KALRN: variants seen among roughly 807,000 people sequenced by gnomAD.
KALRN encodes kalirin.
A neutral mutation model predicts 353.7 loss-of-function variants in KALRN; 70 were observed. That is an observed-to-expected ratio of 0.20 (90% CI 0.16 to 0.24). The LOEUF (loss-of-function observed/expected upper bound fraction) is 0.24, where lower values mean the gene tolerates loss of function less well. Ranked by LOEUF, KALRN falls within the 10% of genes least tolerant of loss-of-function variation. The pLI, the probability that KALRN is intolerant of heterozygous loss-of-function variation, is 1.00. For missense variants in KALRN, 2,791 were observed against 3,756.7 expected (o/e 0.74, Z 6.72); for synonymous variants, 1,391 against 1,434.8 (o/e 0.97, Z 0.69).
chr3:124,466,915 C>G (rs1394746025), intron 25 of KALRN, among the ~76,000 whole-genome samples: 1 of 152,192 alleles, frequency 6.6e-6, no homozygotes, highest in East Asian at 1.9e-4. Flanking sequence ...ATATTTCTAC[C>G]CATTTCTCCC....
intron 1 of KALRN, among the ~76,000 whole-genome samples, chr3:124,186,082 C>T (rs1274619751): frequency 6.6e-6 from 1 of 152,130 alleles, no homozygotes; most frequent in African/African-American, 2.4e-5. Context: ...GCTTTTTTAC[C>T]ATGGTTTCTT....
intron 49 of KALRN, among the ~76,000 whole-genome samples, chr3:124,676,669 G>T (rs2087227641): frequency 6.6e-6 from 1 of 152,138 alleles, no homozygotes; most frequent in Admixed American, 6.5e-5. Context: ...CCCCCACAAG[G>T]ACACACACAT....
chr3:124,036,988 C>A (rs1454478473), intron 1 of KALRN, among the ~76,000 whole-genome samples: 1 of 152,192 alleles, frequency 6.6e-6, no homozygotes, highest in Non-Finnish European at 1.5e-5. Flanking sequence ...TCCAGATTGT[C>A]TTCTTGGGAA....
At chr3:124,530,926 C>T (rs551590589) in intron 33 of KALRN, among the ~76,000 whole-genome samples, 1 of 152,234 alleles carries the variant, frequency 6.6e-6, no homozygotes, top group African/African-American at 2.4e-5. Context: ...GCTATGGTAA[C>T]AACTCTAAAA....
At chr3:124,452,739 T>G (rs1167950453) in intron 21 of KALRN, among the ~76,000 whole-genome samples, 1 of 152,236 alleles carries the variant, frequency 6.6e-6, no homozygotes, top group Admixed American at 6.5e-5. Flanking sequence ...TAAACTCATT[T>G]TACTGTCTCT....
intron 43 of KALRN, 129 bp from the exon 44 acceptor site, chr3:124,660,794 C>A (rs333291): frequency 0.55 from 367,139 of 672,286 alleles, 102,391 homozygotes; most frequent in African/African-American, 0.74. Flanking sequence ...AGCTACTCTA[C>A]ACCATTGCCA....
At chr3:124,406,005 T>G (rs2091500764) in intron 13 of KALRN, among the ~76,000 whole-genome samples, 1 of 152,170 alleles carries the variant, frequency 6.6e-6, no homozygotes, top group South Asian at 2.1e-4. Flanking sequence ...GCCATAAAAA[T>G]AATCCAATTA....
In KALRN at chr3:124,650,689, G is replaced by A; in HGVS notation, c.5665-119G>A. The A allele has an allele frequency of 3.9e-6, 4 of 1,025,002 alleles. No individual in the cohort carries two copies. In the East Asian group the frequency reaches 7.3e-5, roughly 19 times the overall value. The allele number at this position is 1,025,002 out of a possible 1,614,324, so 63.5% of individuals were successfully genotyped here. On this transcript the variant is annotated intron_variant, in intron 37 of 59. Coordinates refer to ENST00000682506, the MANE Select transcript of KALRN (RefSeq NM_001388419.1). ...TCTGCTAGTGCTTCACTGTGGTTTGGTGAGAACAGCCTTGGCTACTGATTT... is the reference window on the plus strand; with the variant it reads ...TCTGCTAGTGCTTCACTGTGGTTTGATGAGAACAGCCTTGGCTACTGATTT...
intron 57 of KALRN, among the ~76,000 whole-genome samples, chr3:124,707,427 TTCCTTCCTTCCTTCCTTCCC>T (rs1299062158): frequency 7.5e-5 from 10 of 132,486 alleles, no homozygotes; most frequent in Non-Finnish European, 1.2e-4. Flanking sequence ...CCTTCCTTCC[TTCCTTCCTTCCTTCCTTCCC>T]TCCTTCCTTC....
intron 34 of KALRN, among the ~76,000 whole-genome samples, chr3:124,592,325 A>G (rs577727946): frequency 2.7e-4 from 38 of 142,398 alleles, no homozygotes; most frequent in African/African-American, 7.6e-4. Flanking sequence ...AAAAAAAAAA[A>G]AAAAGAAAAA....
At chr3:124,158,853 C>A (rs1246692709) in intron 1 of KALRN, among the ~76,000 whole-genome samples, 1 of 152,144 alleles carries the variant, frequency 6.6e-6, no homozygotes, top group African/African-American at 2.4e-5. Flanking sequence ...CCAGGTCTTC[C>A]TTGCCATCCC....
intron 15 of KALRN, among the ~76,000 whole-genome samples, chr3:124,428,014 G>A (rs2093101362): frequency 6.6e-6 from 1 of 152,156 alleles, no homozygotes; most frequent in Admixed American, 6.5e-5. Context: ...GAGCTTAAAT[G>A]ATGTTTGCAA....
At chr3:124,340,283 A>C (rs1259131221) in intron 9 of KALRN, among the ~76,000 whole-genome samples, 1 of 152,122 alleles carries the variant, frequency 6.6e-6, no homozygotes, top group East Asian at 1.9e-4. Context: ...GCACTTTGGG[A>C]GGCTGAGGTG....
chr3:124,255,690 G>C lies in KALRN; in HGVS notation c.264-8808G>C, dbSNP rs542187440. Reference sequence around the variant, plus strand: ...CAGTTGCCACGTGGGAAAGCACAGGGTCATGGCAATGCATAGGAAGAGCCC... The same window carrying C: ...CAGTTGCCACGTGGGAAAGCACAGGCTCATGGCAATGCATAGGAAGAGCCC... On this transcript the variant is annotated intron_variant, in intron 3 of 59. Transcript: ENST00000682506. 3.0e-4 allele frequency among the ~76,000 whole-genome samples: 46 copies of C among 152,312 alleles called. No homozygotes were observed. The East Asian group carries it at 8.7e-3, about 29-fold the overall frequency.
At chr3:124,596,479 AAC>A (rs939813766) in intron 34 of KALRN, among the ~76,000 whole-genome samples, 26 of 152,180 alleles carry the variant, frequency 1.7e-4, no homozygotes, top group African/African-American at 6.0e-4. Flanking sequence ...AAAACAAACA[AAC>A]AAAAAAACCC....
intron 12 of KALRN, among the ~76,000 whole-genome samples, chr3:124,398,405 C>A (rs746663585): frequency 6.6e-6 from 1 of 152,072 alleles, no homozygotes; most frequent in Non-Finnish European, 1.5e-5. Flanking sequence ...TTGTAGAGTC[C>A]TTTCTCATGC....
At chr3:124,239,881 A>G (rs1391167112) in intron 3 of KALRN, among the ~76,000 whole-genome samples, 4 of 150,436 alleles carry the variant, frequency 2.7e-5, no homozygotes, top group Non-Finnish European at 2.9e-5. Flanking sequence ...TCATCAATAA[A>G]AGGAGGATGT....
intron 10 of KALRN, among the ~76,000 whole-genome samples, chr3:124,366,821 GCTGGGCGGGGGTCTGACCCCC>G (rs2084782547): frequency 1.4e-5 from 2 of 145,830 alleles, no homozygotes; most frequent in African/African-American, 2.6e-5. Context: ...GGGGTGGCTG[GCTGGGCGGGGGTCTGACCCCC>G]CCACCTCCCT....
intron 19 of KALRN, among the ~76,000 whole-genome samples, chr3:124,445,220 A>G (rs1480883296): frequency 6.6e-6 from 1 of 152,194 alleles, no homozygotes; most frequent in African/African-American, 2.4e-5. Flanking sequence ...TGCATGCATT[A>G]TGGGGTATTA....
Sources: allele counts gnomAD v4.1 joint callset (sites outside exome capture counted in the v4.1 genomes callset), GRCh38; gene constraint gnomAD v4.1.1; transcripts MANE v1.5; gene names NCBI Gene and HGNC (gene_info 2026-07-23, HGNC 2026-07-21).